Variants in GALNT10 observed in about 807,000 individuals in gnomAD.
The protein encoded by GALNT10 is polypeptide N-acetylgalactosaminyltransferase 10, also known as GalNAc transferase 10.
Under a neutral mutation model 75.0 loss-of-function variants are expected in GALNT10, and 41 were observed. The ratio of observed to expected loss-of-function variants is 0.55; its 90% CI spans 0.43 to 0.71. The LOEUF (loss-of-function observed/expected upper bound fraction) is 0.71. GALNT10 is among the 30% of genes least tolerant of loss of function. The pLI is 0.00. For synonymous variants in GALNT10, 302 were observed against 313.0 expected (o/e 0.96, Z 0.37); for missense variants, 727 against 818.5 (o/e 0.89, Z 1.36).
intron 1 of GALNT10, among the ~76,000 whole-genome samples, chr5:154,278,424 T>TAGAAA (rs1753984577): frequency 6.6e-6 from 1 of 152,238 alleles, no homozygotes; most frequent in South Asian, 2.1e-4. Context: ...CTTTTCTGTG[T>TAGAAA]GACTTCAAAG....
intron 1 of GALNT10, among the ~76,000 whole-genome samples, chr5:154,251,749 C>T (rs972298543): frequency 6.6e-5 from 10 of 152,122 alleles, no homozygotes; most frequent in African/African-American, 9.7e-5. Context: ...CTACACCAGA[C>T]CTGGAATTCA....
At chr5:154,371,390 G>C (rs1447486113) in intron 4 of GALNT10, among the ~76,000 whole-genome samples, 1 of 152,054 alleles carries the variant, frequency 6.6e-6, no homozygotes, top group Non-Finnish European at 1.5e-5. Context: ...TGGGGGACAT[G>C]ATTCAAGCCA....
chr5:154,256,344 GTTGT>G (rs1256899916), intron 1 of GALNT10, among the ~76,000 whole-genome samples: 5 of 27,976 alleles, frequency 1.8e-4, no homozygotes, highest in Non-Finnish European at 4.7e-4. Context: ...AACAGAGGCT[GTTGT>G]TTTTGTTTTT....
At chr5:154,329,906 A>G (rs1754819598) in intron 4 of GALNT10, 168 bp downstream of exon 4, 1 of 374,140 alleles carries the variant, frequency 2.7e-6, no homozygotes, top group African/African-American at 2.0e-5. Flanking sequence ...TTCACAACTC[A>G]TGAAGTGACT....
At chr5:154,299,170 C>A (rs898725885) in intron 3 of GALNT10, among the ~76,000 whole-genome samples, 1 of 152,210 alleles carries the variant, frequency 6.6e-6, no homozygotes, top group Non-Finnish European at 1.5e-5. Context: ...CCCAGACCAG[C>A]AATATCAGCA....
At chr5:154,264,153 A>G (rs897072188) in intron 1 of GALNT10, among the ~76,000 whole-genome samples, 14 of 152,072 alleles carry the variant, frequency 9.2e-5, no homozygotes, top group African/African-American at 2.7e-4. Flanking sequence ...TCTCTACTAA[A>G]TATACAAAAA....
intron 3 of GALNT10, among the ~76,000 whole-genome samples, chr5:154,319,558 A>C (rs767176358): frequency 1.3e-5 from 2 of 152,152 alleles, no homozygotes; most frequent in Non-Finnish European, 2.9e-5. Flanking sequence ...CCTCATTTGA[A>C]TATGGTACAG....
chr5:154,368,170 C>G (rs541098665), intron 4 of GALNT10, among the ~76,000 whole-genome samples: 11 of 152,144 alleles, frequency 7.2e-5, no homozygotes, highest in Non-Finnish European at 1.5e-4. Flanking sequence ...TACTAAATTC[C>G]CAAATAATGC....
chr5:154,369,456 C>T (rs1755530498), intron 4 of GALNT10, among the ~76,000 whole-genome samples: 1 of 152,126 alleles, frequency 6.6e-6, no homozygotes, highest in Non-Finnish European at 1.5e-5. Flanking sequence ...GCAACAGGGC[C>T]TAGGCACGTG....
intron 1 of GALNT10, among the ~76,000 whole-genome samples, chr5:154,207,011 G>A (rs1371975003): frequency 1.7e-4 from 26 of 152,204 alleles, no homozygotes; most frequent in Admixed American, 1.7e-3. Flanking sequence ...ACCAAGATGT[G>A]TAACGTGCAG....
intron 1 of GALNT10, among the ~76,000 whole-genome samples, chr5:154,212,082 G>A (rs1443386096): frequency 6.6e-6 from 1 of 152,126 alleles, no homozygotes; most frequent in Admixed American, 6.5e-5. Context: ...CTTCTGGAGG[G>A]CCAGTGTCTG....
At chr5:154,389,569 G>A (rs1204882145) in intron 7 of GALNT10, 3 of 147,160 alleles carry the variant, frequency 2.0e-5, no homozygotes, top group African/African-American at 5.0e-5. Flanking sequence ...GCGACAAAGC[G>A]AGACTCCATG....
chr5:154,315,205 G>A (rs560809156), intron 3 of GALNT10, among the ~76,000 whole-genome samples: 1 of 152,218 alleles, frequency 6.6e-6, no homozygotes, highest in Non-Finnish European at 1.5e-5. Flanking sequence ...CCAGGGAACA[G>A]ATTTAGAGAT....
At chr5:154,283,317 C>T (rs552862199) in intron 1 of GALNT10, among the ~76,000 whole-genome samples, 3 of 138,778 alleles carry the variant, frequency 2.2e-5, no homozygotes, top group African/African-American at 8.1e-5. Flanking sequence ...TGTGGTGGTG[C>T]ATGTACCTGT....
chr5:154,380,782 GC>G (rs1755721906), intron 6 of GALNT10, 151 bp downstream of exon 6: 1 of 589,744 alleles, frequency 1.7e-6, no homozygotes, highest in Non-Finnish European at 3.0e-6. Flanking sequence ...GATATCCCCA[GC>G]CAGTAGCACC....
chr5:154,376,714 CACATGAGCATCTAGTG>C lies in GALNT10; in HGVS notation c.754+259_754+274del, dbSNP rs1350249621. ...AAGTGACTTACCCAAAGTCACACAG[CACATGAGCATCTAGTG>C]ACATGACGGCTTTCCTCAGATGACT... On this transcript the variant is annotated intron_variant, in intron 5 of 11. Transcript: ENST00000297107. The surrounding 1 kb of genome is among the most constrained non-coding windows in gnomAD (Gnocchi z 4.1). Among the ~76,000 whole-genome samples the C allele has an allele frequency of 6.6e-6, 1 of 152,168 alleles. No individual in the cohort carries two copies. Among genetic ancestry groups the C allele is most frequent in the African/African-American group, 2.4e-5 (1 of 41,444 alleles).
intron 1 of GALNT10, among the ~76,000 whole-genome samples, chr5:154,200,520 A>C (rs961326297): frequency 9.9e-5 from 15 of 152,096 alleles, no homozygotes; most frequent in Non-Finnish European, 4.4e-5. Flanking sequence ...TATTTTTTGC[A>C]TGTTTCCTCC....
intron 1 of GALNT10, among the ~76,000 whole-genome samples, chr5:154,269,763 T>C (rs1034062074): frequency 6.6e-6 from 1 of 152,156 alleles, no homozygotes. Context: ...GACAGGACAT[T>C]AGAGAGTCTG....
intron 3 of GALNT10, among the ~76,000 whole-genome samples, chr5:154,304,126 A>G (rs1754397059): frequency 1.3e-5 from 2 of 152,356 alleles, no homozygotes; most frequent in Admixed American, 1.3e-4. Flanking sequence ...ACACAGAAAA[A>G]GATTTTAAAA....
Sources: allele counts gnomAD v4.1 joint callset (sites outside exome capture counted in the v4.1 genomes callset), GRCh38; gene constraint gnomAD v4.1.1; non-coding constraint Gnocchi (gnomAD v3.1); transcripts MANE v1.5; gene names NCBI Gene and HGNC (gene_info 2026-07-23, HGNC 2026-07-21).